TRIO: variants seen among roughly 807,000 people sequenced by gnomAD.
TRIO encodes triple functional domain protein.
A neutral mutation model predicts 351.9 loss-of-function variants in TRIO; 58 were observed. The ratio of observed to expected loss-of-function variants is 0.16; its 90% CI spans 0.13 to 0.21. TRIO has a LOEUF of 0.21. Among genes scored for constraint, TRIO ranks in the 10% least tolerant of loss-of-function variants. The probability of loss-of-function intolerance (pLI) is 1.00; values close to 1 mark genes in which losing one functional copy is unlikely to be tolerated. For missense variants in TRIO, 3,201 were observed against 4,027.8 expected (o/e 0.79, Z 5.56); for synonymous variants, 1,758 against 1,595.7 (o/e 1.10, Z -2.42).
intron 11 of TRIO, among the ~76,000 whole-genome samples, chr5:14,357,761 AAT>A (rs1211171088): frequency 6.6e-6 from 1 of 152,046 alleles, no homozygotes; most frequent in Non-Finnish European, 1.5e-5. Flanking sequence ...GAAAAATTGA[AAT>A]ACAAGTGTCC....
chr5:14,336,327 T>C (rs1318321269), intron 10 of TRIO, among the ~76,000 whole-genome samples: 1 of 152,088 alleles, frequency 6.6e-6, no homozygotes, highest in African/African-American at 2.4e-5. Context: ...TGATATGGGG[T>C]TCAAAGTTTA....
intron 34 of TRIO, among the ~76,000 whole-genome samples, chr5:14,442,362 C>T (rs1448511142): frequency 6.6e-6 from 1 of 151,994 alleles, no homozygotes; most frequent in Non-Finnish European, 1.5e-5. Flanking sequence ...TTTCGGGGTG[C>T]AGGGATCCCC....
At chr5:14,183,536 A>G (rs1183911840) in intron 1 of TRIO, among the ~76,000 whole-genome samples, 1 of 152,120 alleles carries the variant, frequency 6.6e-6, no homozygotes, top group Non-Finnish European at 1.5e-5. Flanking sequence ...CTAAAATTGA[A>G]AACAATAAAC....
In TRIO at chr5:14,344,974, A is replaced by G. The variant is rs115277531; in HGVS notation, c.2046+8247A>G. Among the ~76,000 whole-genome samples the G allele has an allele frequency of 3.0e-3, 454 of 152,344 alleles. 1 individual carries two copies. The highest frequency in any genetic ancestry group is 0.01 in the African/African-American group (436 of 41,584). Reference sequence around the variant, plus strand: ...ATCTTAGATCCCAGCTAAAGTTTCAACAGAAATAAGTGATTTTTTTTTCCT... The same window carrying G: ...ATCTTAGATCCCAGCTAAAGTTTCAGCAGAAATAAGTGATTTTTTTTTCCT... On this transcript the variant is annotated intron_variant, in intron 11 of 56. Coordinates refer to ENST00000344204, the MANE Select transcript of TRIO (RefSeq NM_007118.4).
At chr5:14,414,477 C>G (rs1014518411) in intron 33 of TRIO, among the ~76,000 whole-genome samples, 4 of 152,176 alleles carry the variant, frequency 2.6e-5, no homozygotes, top group African/African-American at 9.7e-5. Flanking sequence ...ATCAGAAAAG[C>G]AGTGTGTGAG....
chr5:14,417,058 A>T (rs951968952), intron 33 of TRIO, among the ~76,000 whole-genome samples: 10 of 152,316 alleles, frequency 6.6e-5, no homozygotes, highest in Admixed American at 2.0e-4. Context: ...GTGTTCCCGG[A>T]ACAGGAAGCA....
intron 11 of TRIO, among the ~76,000 whole-genome samples, chr5:14,348,096 T>C (rs1261251188): frequency 6.6e-6 from 1 of 152,232 alleles, no homozygotes; most frequent in Non-Finnish European, 1.5e-5. Flanking sequence ...TTCTGGCTGC[T>C]GTTTGGATCA....
At chr5:14,151,198 T>C (rs1787806866) in intron 1 of TRIO, among the ~76,000 whole-genome samples, 2 of 152,246 alleles carry the variant, frequency 1.3e-5, no homozygotes, top group African/African-American at 2.4e-5. Context: ...GACAGCTACC[T>C]ATTTCACGGT....
At chr5:14,489,763 T>TG (rs1370250526) in intron 48 of TRIO, among the ~76,000 whole-genome samples, 22 of 152,242 alleles carry the variant, frequency 1.4e-4, no homozygotes, top group African/African-American at 5.1e-4. Flanking sequence ...TCCTGAATGC[T>TG]GTCTCTGAGG....
chr5:14,363,961 A>C, intron 14 of TRIO, 34 bp downstream of exon 14: 1 of 1,580,468 alleles, frequency 6.3e-7, no homozygotes, highest in Non-Finnish European at 8.6e-7. Flanking sequence ...GTCCGTTGTG[A>C]TTTCTTCATG....
intron 21 of TRIO, among the ~76,000 whole-genome samples, chr5:14,381,711 C>G (rs927058031): frequency 6.6e-6 from 1 of 152,176 alleles, no homozygotes; most frequent in African/African-American, 2.4e-5. Flanking sequence ...TCAGTTTAGT[C>G]TGCAGTTGTC....
intron 1 of TRIO, among the ~76,000 whole-genome samples, chr5:14,261,978 G>A (rs1032256358): frequency 9.2e-5 from 14 of 152,214 alleles, no homozygotes; most frequent in African/African-American, 3.4e-4. Flanking sequence ...AGTTGCATGC[G>A]TTGGAGCTGT....
chr5:14,276,352 A>G (rs1735518453), intron 2 of TRIO, among the ~76,000 whole-genome samples: 1 of 152,106 alleles, frequency 6.6e-6, no homozygotes. Flanking sequence ...CAGTAGAAAT[A>G]CTCCATGAGC....
intron 8 of TRIO, among the ~76,000 whole-genome samples, chr5:14,314,193 G>A (rs1041933993): frequency 1.3e-5 from 2 of 152,186 alleles, no homozygotes; most frequent in Non-Finnish European, 2.9e-5. Context: ...TATGACACCT[G>A]CTTTATGATC....
intron 53 of TRIO, among the ~76,000 whole-genome samples, chr5:14,501,715 G>C (rs10070530): frequency 0.02 from 3,112 of 152,338 alleles, 113 homozygotes; most frequent in African/African-American, 0.072. Context: ...AAGCCCACGT[G>C]AAGATAGGGA....
At chr5:14,504,352 T>A in intron 54 of TRIO, 41 bp from the exon 55 acceptor site, 1 of 1,607,950 alleles carries the variant, frequency 6.2e-7, no homozygotes, top group Non-Finnish European at 8.5e-7. Flanking sequence ...GTGCCAGACC[T>A]CAGCAGCCTC....
intron 1 of TRIO, among the ~76,000 whole-genome samples, chr5:14,186,599 G>A (rs26060): frequency 0.8 from 122,099 of 151,708 alleles, 49,758 homozygotes; most frequent in East Asian, 0.99. Context: ...TTTTTTTGAG[G>A]TGTAGTCTCA....
At chr5:14,277,832 C>G (rs1735677631) in intron 2 of TRIO, among the ~76,000 whole-genome samples, 1 of 152,184 alleles carries the variant, frequency 6.6e-6, no homozygotes, top group Non-Finnish European at 1.5e-5. Flanking sequence ...TTCATCCTTT[C>G]TAAGATTTTT....
At chr5:14,299,931 A>C (rs775668589) in intron 7 of TRIO, among the ~76,000 whole-genome samples, 1 of 152,234 alleles carries the variant, frequency 6.6e-6, no homozygotes, top group African/African-American at 2.4e-5. Flanking sequence ...GTGGTGTGCT[A>C]GCATTTGCTG....
Sources: allele counts gnomAD v4.1 joint callset (sites outside exome capture counted in the v4.1 genomes callset), GRCh38; gene constraint gnomAD v4.1.1; transcripts MANE v1.5; gene names NCBI Gene and HGNC (gene_info 2026-07-23, HGNC 2026-07-21).